The following SPAG9 variants were observed in gnomAD, a reference collection of about 807,000 sequenced individuals.
SPAG9 encodes C-Jun-amino-terminal kinase-interacting protein 4.
SPAG9 carries 35 observed loss-of-function variants against 166.5 expected under a neutral mutation model. The ratio of observed to expected loss-of-function variants is 0.21; its 90% CI spans 0.16 to 0.28. The LOEUF is 0.28. Among genes scored for constraint, SPAG9 ranks in the 10% least tolerant of loss-of-function variants. The pLI is 1.00. For synonymous variants in SPAG9, 534 were observed against 565.5 expected (o/e 0.94, Z 0.79); for missense variants, 1,235 against 1,603.3 (o/e 0.77, Z 3.92).
At chr17:51,036,474 T>C (rs1190978108) in intron 5 of SPAG9, among the ~76,000 whole-genome samples, 3 of 152,158 alleles carry the variant, frequency 2.0e-5, no homozygotes, top group African/African-American at 7.2e-5. Flanking sequence ...ACGGTCTCTC[T>C]TCTCTGCCAC....
At chr17:51,046,589 GAT>G in intron 4 of SPAG9, 4 of 1,536,058 alleles carry the variant, frequency 2.6e-6, no homozygotes, top group Non-Finnish European at 3.5e-6. Flanking sequence ...GAGATACTAA[GAT>G]AGCAGAATTA....
At chr17:51,117,799 C>T (rs2049336091) in intron 1 of SPAG9, among the ~76,000 whole-genome samples, 1 of 148,798 alleles carries the variant, frequency 6.7e-6, no homozygotes, top group Non-Finnish European at 1.5e-5. Context: ...CAAAGGGAGA[C>T]AATTTCTGGA....
Position 50,993,822 on chromosome 17 carries a change from G to T in SPAG9, c.2340C>A (p.Asn780Lys). 2 of 1,614,176 alleles carry T rather than the reference G, an allele frequency of 1.2e-6. No homozygotes were observed. The highest frequency in any genetic ancestry group is 1.7e-6 in the Non-Finnish European group (2 of 1,180,016). ...VLIIDAVQPG[N>K]ILDSFTVCNS... is the part of the protein sequence containing the mutation. ...TGCAAACAGTGAAACTGTCTAGGAT[G>T]TTGCCAGGTTGAACAGCATCAATAA... is the stretch of plus-strand genomic sequence containing the variant. Residue 780 changes from asparagine to lysine, a missense_variant, in exon 19 of 30, where the codon AAC becomes AAA. Physicochemically the swap from Asn to Lys is moderately conservative, Grantham distance 94. This residue lies in a region of SPAG9 where 493 missense variants were observed against 559.4 expected (regional missense o/e 0.88). Transcript: ENST00000262013.
intron 1 of SPAG9, among the ~76,000 whole-genome samples, chr17:51,086,240 A>G (rs944496434): frequency 6.7e-6 from 1 of 149,318 alleles, no homozygotes. Context: ...TCGGCCTCCC[A>G]AAGCGCTGGG....
intron 2 of SPAG9, among the ~76,000 whole-genome samples, chr17:51,058,805 T>C (rs918199203): frequency 2.0e-5 from 3 of 152,202 alleles, no homozygotes; most frequent in Non-Finnish European, 4.4e-5. Context: ...CTACTGGAAC[T>C]TTCATAAACT....
chr17:51,091,455 G>T (rs2048462474), intron 1 of SPAG9, among the ~76,000 whole-genome samples: 1 of 152,034 alleles, frequency 6.6e-6, no homozygotes, highest in Admixed American at 6.6e-5. Flanking sequence ...CGTGGCAGGA[G>T]AAGCGCAGCA....
At chr17:50,993,994 G>A (rs879431616) in intron 18 of SPAG9, 59 bp from the exon 19 acceptor site, 6 of 1,446,158 alleles carry the variant, frequency 4.1e-6, no homozygotes, top group African/African-American at 1.4e-5. Flanking sequence ...ATATTCATAA[G>A]GTGGTGCTGT....
intron 1 of SPAG9, among the ~76,000 whole-genome samples, chr17:51,081,361 G>A (rs2048158577): frequency 6.6e-6 from 1 of 152,094 alleles, no homozygotes; most frequent in South Asian, 2.1e-4. Context: ...TGAGGCAGGA[G>A]AATCGCTTGA....
chr17:51,057,650 T>C (rs1292890770), intron 2 of SPAG9, among the ~76,000 whole-genome samples: 4 of 152,232 alleles, frequency 2.6e-5, no homozygotes, highest in Non-Finnish European at 4.4e-5. Flanking sequence ...CTTGAAAATA[T>C]GTGATTAGGA....
chr17:50,972,500 AAG>A (rs1973899816), intron 28 of SPAG9, among the ~76,000 whole-genome samples: 1 of 152,154 alleles, frequency 6.6e-6, no homozygotes, highest in African/African-American at 2.4e-5. Context: ...AAATAATAGA[AAG>A]AGAGAAACCT....
chr17:51,075,297 T>G (rs1219666366), intron 2 of SPAG9, among the ~76,000 whole-genome samples: 1 of 151,746 alleles, frequency 6.6e-6, no homozygotes, highest in Non-Finnish European at 1.5e-5. Flanking sequence ...ATTTTTTAAA[T>G]TTAGTAATAA....
At chr17:51,019,017 T>C (rs1012972430) in intron 8 of SPAG9, among the ~76,000 whole-genome samples, 1 of 152,166 alleles carries the variant, frequency 6.6e-6, no homozygotes, top group Non-Finnish European at 1.5e-5. Flanking sequence ...AAGAGGTGAT[T>C]AGGCCATAAG....
At chr17:51,116,693 G>C (rs1201836489) in intron 1 of SPAG9, among the ~76,000 whole-genome samples, 2 of 152,182 alleles carry the variant, frequency 1.3e-5, no homozygotes, top group Admixed American at 1.3e-4. Flanking sequence ...GAGCCCAAGA[G>C]ATTGAGGCTG....
At chr17:51,091,487 G>GTTT (rs1276555833) in intron 1 of SPAG9, among the ~76,000 whole-genome samples, 65 of 151,678 alleles carry the variant, frequency 4.3e-4, no homozygotes, top group African/African-American at 1.6e-3. Context: ...TTGTTTTTCT[G>GTTT]TTTTTTTGTT....
At chr17:50,969,535 G>T (rs1272671629) in intron 29 of SPAG9, among the ~76,000 whole-genome samples, 1 of 151,930 alleles carries the variant, frequency 6.6e-6, no homozygotes, top group Non-Finnish European at 1.5e-5. Flanking sequence ...TGCTCCTATA[G>T]TTCTCTTTTG....
At chr17:50,987,281 C>G in intron 21 of SPAG9, 44 bp from the exon 22 acceptor site, 1 of 1,558,928 alleles carries the variant, frequency 6.4e-7, no homozygotes. Context: ...GTATACTTAA[C>G]TATCGTTATA....
intron 4 of SPAG9, among the ~76,000 whole-genome samples, chr17:51,043,541 T>C (rs906688648): frequency 1.8e-4 from 28 of 152,222 alleles, no homozygotes; most frequent in Admixed American, 5.2e-4. Context: ...GATAAGTAGC[T>C]AGATTTCCTT....
At chr17:51,037,685 A>ATATATATATATATATAGT in intron 5 of SPAG9, among the ~76,000 whole-genome samples, 14 of 83,508 alleles carry the variant, frequency 1.7e-4, no homozygotes, top group African/African-American at 3.9e-4. Context: ...ATATATATAT[A>ATATATATATATATATAGT]GTGTGTGTGT....
intron 22 of SPAG9, among the ~76,000 whole-genome samples, chr17:50,986,674 T>C (rs769209786): frequency 2.0e-5 from 3 of 152,238 alleles, no homozygotes; most frequent in Non-Finnish European, 2.9e-5. Context: ...ACTTTGCAGA[T>C]TGTGATTTGT....
Sources: allele counts gnomAD v4.1 joint callset (sites outside exome capture counted in the v4.1 genomes callset), GRCh38; gene constraint gnomAD v4.1.1; regional missense constraint gnomAD v4.1.1; transcripts MANE v1.5; gene names NCBI Gene and HGNC (gene_info 2026-07-23, HGNC 2026-07-21).